Variants in IL1RAPL2 observed in about 807,000 individuals in gnomAD.
IL1RAPL2 encodes X-linked interleukin-1 receptor accessory protein-like 2.
Under a neutral mutation model 44.1 loss-of-function variants are expected in IL1RAPL2, and 3 were observed. That is an observed-to-expected ratio of 0.07 (90% CI 0.03 to 0.18). The LOEUF (loss-of-function observed/expected upper bound fraction) is 0.18. IL1RAPL2 is among the 10% of genes least tolerant of loss of function. The probability of loss-of-function intolerance (pLI) is 1.00; values close to 1 mark genes in which losing one functional copy is unlikely to be tolerated. For synonymous variants in IL1RAPL2, 181 were observed against 178.8 expected (o/e 1.01, Z -0.10); for missense variants, 391 against 496.4 (o/e 0.79, Z 2.02).
chrX:105,459,870 A>G (rs2036081263), intron 5 of IL1RAPL2, among the ~76,000 whole-genome samples: 1 of 111,846 alleles, frequency 8.9e-6, no homozygotes, highest in Admixed American at 9.6e-5. Flanking sequence ...AAAAATAAAT[A>G]TATACTAACT....
chrX:105,233,341 G>A (rs1204579732), intron 3 of IL1RAPL2, among the ~76,000 whole-genome samples: 1 of 112,052 alleles, frequency 8.9e-6, no homozygotes, highest in Admixed American at 9.5e-5. Flanking sequence ...GATATCCTCT[G>A]TATGTTGATC....
intron 1 of IL1RAPL2, among the ~76,000 whole-genome samples, chrX:104,582,816 TTCTTTC>T (rs1242437204): frequency 2.1e-5 from 1 of 46,918 alleles, no homozygotes; most frequent in Non-Finnish European, 3.8e-5. Context: ...TTTCTCTCCT[TTCTTTC>T]TCTTTCTTTC....
chrX:105,209,006 T>G (rs1556155127), intron 3 of IL1RAPL2, among the ~76,000 whole-genome samples: 1 of 111,947 alleles, frequency 8.9e-6, no homozygotes, highest in African/African-American at 3.2e-5. Context: ...TTCATTTTGC[T>G]CACATGAATC....
At chrX:104,620,958 A>G (rs969935696) in intron 1 of IL1RAPL2, among the ~76,000 whole-genome samples, 1 of 94,739 alleles carries the variant, frequency 1.1e-5, no homozygotes, top group African/African-American at 5.3e-5. Context: ...TATAAATTCT[A>G]TAATTTATAT....
intron 2 of IL1RAPL2, among the ~76,000 whole-genome samples, chrX:104,728,138 A>G (rs1454015378): frequency 9.0e-6 from 1 of 111,566 alleles, no homozygotes; most frequent in Admixed American, 9.5e-5. Context: ...ACCAAAAGAG[A>G]AAGGAATATT....
chrX:104,672,694 C>G (rs1165522545), intron 2 of IL1RAPL2, among the ~76,000 whole-genome samples: 1 of 102,501 alleles, frequency 9.8e-6, no homozygotes, highest in Non-Finnish European at 2.0e-5. Context: ...AATGGTTGAA[C>G]TAGTTTACAG....
intron 2 of IL1RAPL2, among the ~76,000 whole-genome samples, chrX:105,065,508 G>A (rs1221603972): frequency 2.7e-5 from 3 of 112,015 alleles, no homozygotes. Context: ...GGGGAACATG[G>A]AATGAGGACA....
chrX:105,049,247 G>A (rs1302797918), intron 2 of IL1RAPL2, among the ~76,000 whole-genome samples: 3 of 109,669 alleles, frequency 2.7e-5, no homozygotes. Flanking sequence ...GGTGAGGAGT[G>A]GATTTCTGAA....
chrX:104,918,533 G>T (rs953140559), intron 2 of IL1RAPL2, among the ~76,000 whole-genome samples: 2 of 111,884 alleles, frequency 1.8e-5, no homozygotes, highest in African/African-American at 6.5e-5. Flanking sequence ...GAGAGGTGCA[G>T]GGCAAAGGGG....
chrX:104,934,876 A>G (rs1924990858), intron 2 of IL1RAPL2, among the ~76,000 whole-genome samples: 1 of 112,037 alleles, frequency 8.9e-6, no homozygotes, highest in Non-Finnish European at 1.9e-5. Context: ...ATACGAAATA[A>G]CAGCAGAAAA....
At chrX:105,354,524 A>G (rs1314811668) in intron 5 of IL1RAPL2, among the ~76,000 whole-genome samples, 1 of 102,036 alleles carries the variant, frequency 9.8e-6, no homozygotes, top group African/African-American at 3.6e-5. Flanking sequence ...AGGGGGAAGG[A>G]TAGCATTAGG....
intron 4 of IL1RAPL2, among the ~76,000 whole-genome samples, chrX:105,258,189 G>A (rs186839835): frequency 9.0e-6 from 1 of 111,695 alleles, no homozygotes; most frequent in Admixed American, 9.6e-5. Flanking sequence ...CATTTAGGAA[G>A]CTTCATTTGG....
At position 104,709,977 on chromosome X, in the gene IL1RAPL2, A is replaced by C. The variant is rs768952690; in HGVS notation, c.82+50982A>C. ...ATCTATTTGTATAGCTATAATAATA[A>C]AAAAAAGAAACAAACAGCAAAGTTG... On this transcript the variant is annotated intron_variant, in intron 2 of 10. Coordinates refer to ENST00000372582, the MANE Select transcript of IL1RAPL2 (RefSeq NM_017416.2). 1.7e-4 allele frequency among the ~76,000 whole-genome samples: 19 copies of C among 111,161 alleles called. No individual in the cohort carries two copies. In the East Asian group the frequency reaches 5.4e-3, roughly 32 times the overall value.
At chrX:104,667,037 A>G (rs1930498284) in intron 2 of IL1RAPL2, among the ~76,000 whole-genome samples, 1 of 110,897 alleles carries the variant, frequency 9.0e-6, no homozygotes, top group African/African-American at 3.3e-5. Context: ...ACATTCAATG[A>G]CCTTCCCCCA....
intron 1 of IL1RAPL2, among the ~76,000 whole-genome samples, chrX:104,570,944 GTT>G (rs112546510): frequency 9.9e-6 from 1 of 100,896 alleles, no homozygotes; most frequent in African/African-American, 3.6e-5. Flanking sequence ...GCAAACTTTT[GTT>G]TTTTTTTTTT....
intron 5 of IL1RAPL2, among the ~76,000 whole-genome samples, chrX:105,291,232 T>C (rs1222259277): frequency 1.8e-5 from 2 of 112,065 alleles, no homozygotes; most frequent in Non-Finnish European, 3.8e-5. Flanking sequence ...ATTAGAGATA[T>C]ATCTTTTTAA....
intron 2 of IL1RAPL2, among the ~76,000 whole-genome samples, chrX:104,854,525 C>T (rs1922307999): frequency 9.0e-6 from 1 of 111,608 alleles, no homozygotes; most frequent in South Asian, 3.8e-4. Context: ...ATGTTGACTT[C>T]CTGTGTATAA....
intron 2 of IL1RAPL2, among the ~76,000 whole-genome samples, chrX:104,762,753 C>T (rs1370994508): frequency 1.8e-5 from 2 of 112,079 alleles, no homozygotes; most frequent in African/African-American, 6.5e-5. Flanking sequence ...AGGTTTGAGA[C>T]TTGCACCCTC....
intron 2 of IL1RAPL2, among the ~76,000 whole-genome samples, chrX:104,860,659 A>C (rs1922468831): frequency 9.0e-6 from 1 of 111,018 alleles, no homozygotes; most frequent in Non-Finnish European, 1.9e-5. Flanking sequence ...ACTCCAAAAT[A>C]CTCCAATGAG....
Sources: gnomAD v4.1 joint callset for allele counts (sites outside exome capture counted in the v4.1 genomes callset) on GRCh38, gnomAD v4.1.1 for gene constraint, MANE v1.5 for transcripts, NCBI Gene and HGNC (gene_info 2026-07-23, HGNC 2026-07-21) for gene names.